B3GALT1: variants seen among roughly 807,000 people sequenced by gnomAD.
The protein encoded by B3GALT1 is UDP-Gal:betaGlcNAc beta 1,3-galactosyltransferase, polypeptide 1.
Under a neutral mutation model 23.2 loss-of-function variants are expected in B3GALT1, and 10 were observed. The ratio of observed to expected loss-of-function variants is 0.43; its 90% CI spans 0.27 to 0.73. The LOEUF (loss-of-function observed/expected upper bound fraction) is 0.73. B3GALT1 is among the 30% of genes least tolerant of loss of function. B3GALT1 has a pLI of 0.21. For missense variants in B3GALT1, 299 were observed against 405.4 expected (o/e 0.74, Z 2.25); for synonymous variants, 156 against 141.5 (o/e 1.10, Z -0.73).
At chr2:167,490,645 G>A (rs943074163) in intron 2 of B3GALT1, among the ~76,000 whole-genome samples, 1 of 152,320 alleles carries the variant, frequency 6.6e-6, no homozygotes, top group Admixed American at 6.5e-5. Flanking sequence ...CACAAGCAGA[G>A]ATGACTGGCA....
intron 2 of B3GALT1, among the ~76,000 whole-genome samples, chr2:167,560,088 C>G (rs1461126240): frequency 5.9e-5 from 9 of 152,174 alleles, no homozygotes; most frequent in Admixed American, 3.3e-4. Context: ...GGAAGCCCAT[C>G]AGACTAACAG....
intron 1 of B3GALT1, among the ~76,000 whole-genome samples, chr2:167,470,547 TG>T (rs1401986773): frequency 1.3e-5 from 2 of 152,142 alleles, no homozygotes; most frequent in Admixed American, 1.3e-4. Context: ...TAGTCCTGTA[TG>T]TTTTTTTCAA....
intron 2 of B3GALT1, among the ~76,000 whole-genome samples, chr2:167,574,645 T>C (rs1348079101): frequency 6.6e-6 from 1 of 151,710 alleles, no homozygotes; most frequent in Non-Finnish European, 1.5e-5. Flanking sequence ...AAGCTCAAAT[T>C]ATACCATGTT....
At chr2:167,406,006 G>A (rs968794471) in intron 1 of B3GALT1, among the ~76,000 whole-genome samples, 3 of 151,948 alleles carry the variant, frequency 2.0e-5, no homozygotes, top group Non-Finnish European at 2.9e-5. Context: ...TGTTGTGTAA[G>A]GATAGATGGT....
intron 2 of B3GALT1, among the ~76,000 whole-genome samples, chr2:167,594,494 G>A (rs1684742978): frequency 6.6e-6 from 1 of 152,146 alleles, no homozygotes; most frequent in Admixed American, 6.6e-5. Flanking sequence ...TGACTAAACT[G>A]GGGTTTGAAA....
intron 2 of B3GALT1, among the ~76,000 whole-genome samples, chr2:167,555,427 A>G (rs1214873357): frequency 1.3e-5 from 2 of 152,180 alleles, no homozygotes; most frequent in East Asian, 3.8e-4. Flanking sequence ...TGTTACTAGG[A>G]TAAAGTAAAA....
intron 3 of B3GALT1, among the ~76,000 whole-genome samples, chr2:167,681,155 A>G (rs1178887813): frequency 6.6e-6 from 1 of 152,188 alleles, no homozygotes; most frequent in East Asian, 1.9e-4. Flanking sequence ...CGCTGCAGCA[A>G]GCACACAGCT....
At chr2:167,587,038 C>T (rs148711262) in intron 2 of B3GALT1, among the ~76,000 whole-genome samples, 1 of 152,146 alleles carries the variant, frequency 6.6e-6, no homozygotes, top group Non-Finnish European at 1.5e-5. Context: ...AAATTGAATT[C>T]TATTCCTATT....
intron 3 of B3GALT1, among the ~76,000 whole-genome samples, chr2:167,790,721 T>C (rs1158064780): frequency 2.0e-5 from 3 of 152,162 alleles, no homozygotes; most frequent in Admixed American, 2.0e-4. Context: ...ATTGTGCCAT[T>C]CATTGTTTGA....
chr2:167,486,276 T>C (rs565899655), intron 1 of B3GALT1, among the ~76,000 whole-genome samples: 1 of 147,818 alleles, frequency 6.8e-6, no homozygotes, highest in Admixed American at 6.8e-5. Context: ...GGAGAATTGC[T>C]GGAACCCAGG....
intron 1 of B3GALT1, among the ~76,000 whole-genome samples, chr2:167,316,079 AT>A (rs539710856): frequency 0.012 from 1,753 of 151,030 alleles, 24 homozygotes; most frequent in Admixed American, 0.034. Context: ...TAGCAGTTAT[AT>A]TTTTTTTTAC....
At chr2:167,672,003 A>T (rs1686338234) in intron 3 of B3GALT1, among the ~76,000 whole-genome samples, 1 of 152,152 alleles carries the variant, frequency 6.6e-6, no homozygotes, top group Non-Finnish European at 1.5e-5. Flanking sequence ...ATCATACACC[A>T]ATAGATTGGA....
chr2:167,430,856 A>G (rs1405841431), intron 1 of B3GALT1, among the ~76,000 whole-genome samples: 1 of 152,204 alleles, frequency 6.6e-6, no homozygotes, highest in Non-Finnish European at 1.5e-5. Flanking sequence ...ATCCAGAGAA[A>G]ACACTTCAAT....
intron 1 of B3GALT1, among the ~76,000 whole-genome samples, chr2:167,406,171 T>G (rs964898132): frequency 5.3e-5 from 8 of 152,026 alleles, no homozygotes; most frequent in African/African-American, 1.9e-4. Flanking sequence ...CCATAGAGAT[T>G]GTAGAAATAA....
intron 2 of B3GALT1, among the ~76,000 whole-genome samples, chr2:167,578,204 A>T (rs1056974598): frequency 6.6e-6 from 1 of 151,994 alleles, no homozygotes; most frequent in African/African-American, 2.4e-5. Flanking sequence ...GGCCATTCAG[A>T]TATCACCTAG....
intron 2 of B3GALT1, among the ~76,000 whole-genome samples, chr2:167,511,883 C>T (rs1700010134): frequency 1.3e-5 from 2 of 152,188 alleles, no homozygotes; most frequent in South Asian, 2.1e-4. Context: ...GTTACTTTTA[C>T]TCTCAAAATA....
chr2:167,465,579 G>T lies in B3GALT1; in HGVS notation c.-510-24598G>T, dbSNP rs137856267. On this transcript the variant is annotated intron_variant, in intron 1 of 4. Transcript: ENST00000392690. ...TAAGGTTATAATTTCCACGCATGAG[G>T]ACTCCACCCTCATGACTTAATAACC... Among the ~76,000 whole-genome samples the T allele has an allele frequency of 1.6e-3, 240 of 152,186 alleles. 1 individual carries two copies. The highest frequency in any genetic ancestry group is 5.3e-3 in the African/African-American group (219 of 41,512).
chr2:167,543,261 A>G (rs1442259403), intron 2 of B3GALT1, among the ~76,000 whole-genome samples: 1 of 152,116 alleles, frequency 6.6e-6, no homozygotes, highest in African/African-American at 2.4e-5. Flanking sequence ...AGTCAATTTA[A>G]TATTTGTTTA....
chr2:167,599,366 C>G (rs1436824447), intron 2 of B3GALT1, among the ~76,000 whole-genome samples: 1 of 151,990 alleles, frequency 6.6e-6, no homozygotes, highest in Non-Finnish European at 1.5e-5. Context: ...ATGAAGATAA[C>G]AAATCCAAAA....
Sources: allele counts gnomAD v4.1 joint callset (sites outside exome capture counted in the v4.1 genomes callset), GRCh38; gene constraint gnomAD v4.1.1; transcripts MANE v1.5; gene names NCBI Gene and HGNC (gene_info 2026-07-23, HGNC 2026-07-21).